Variants in EPS8 observed in about 807,000 individuals in gnomAD.
EPS8 encodes EGFR pathway substrate 8, signaling adaptor.
Under a neutral mutation model 103.8 loss-of-function variants are expected in EPS8, and 42 were observed. That is an observed-to-expected ratio of 0.40 (90% CI 0.32 to 0.52). EPS8 has a LOEUF of 0.52. Ranked by LOEUF, EPS8 falls within the 20% of genes least tolerant of loss-of-function variation. The pLI is 0.40. For synonymous variants in EPS8, 344 were observed against 344.6 expected (o/e 1.00, Z 0.02); for missense variants, 969 against 1,005.1 (o/e 0.96, Z 0.49).
In EPS8 at chr12:15,700,718, A is replaced by G. The variant is rs1428162215; in HGVS notation, c.-21-17746T>C. 6.6e-6 allele frequency among the ~76,000 whole-genome samples: 1 copy of G among 152,198 alleles called. No individual in the cohort carries two copies. The highest frequency in any genetic ancestry group is 2.4e-5 in the African/African-American group (1 of 41,446). ...ACTTTTGGTAAAAGCATGCCTATTT[A>G]TATCAAGGAGGTTCAAAACTGACTC... On this transcript the variant is annotated intron_variant, in intron 1 of 20. Coordinates refer to ENST00000281172, the MANE Select transcript of EPS8 (RefSeq NM_004447.6). This position sits in a 1 kb window ranked among gnomAD's most constrained non-coding sequence, Gnocchi z 5.1.
rs1255473913 is a variant in EPS8 at position 15,688,797 on chromosome 12, A to G, written c.-21-5825T>C. Among the ~76,000 whole-genome samples the G allele has an allele frequency of 2.6e-5, 4 of 152,232 alleles. No homozygotes were observed. The highest frequency in any genetic ancestry group is 5.9e-5 in the Non-Finnish European group (4 of 68,046). On this transcript the variant is annotated intron_variant, in intron 1 of 20. Coordinates refer to ENST00000281172, the MANE Select transcript of EPS8 (RefSeq NM_004447.6). The surrounding 1 kb of genome is among the most constrained non-coding windows in gnomAD (Gnocchi z 5.1). The stretch of plus-strand genomic sequence containing the variant: ...CGCCAAGGCAATAACCCCAGGATAC[A>G]GAAAACCCCCTGTCCTTGCAATAAG...
chr12:15,703,668 G>A (rs1340665000), intron 1 of EPS8, among the ~76,000 whole-genome samples: 2 of 151,314 alleles, frequency 1.3e-5, no homozygotes, highest in Non-Finnish European at 2.9e-5. Flanking sequence ...AGATGGTAAG[G>A]AGTAACAATC....
chr12:15,640,060 C>T (rs1945202293), intron 17 of EPS8, among the ~76,000 whole-genome samples: 1 of 152,160 alleles, frequency 6.6e-6, no homozygotes, highest in African/African-American at 2.4e-5. Context: ...AATGAGCTGA[C>T]CAGGGTCACT....
In EPS8 at chr12:15,742,691, G is replaced by A. The variant is rs941820453; in HGVS notation, c.-22+46470C>T. ...GATTATCTCAATAGATGCAGAAAAG[G>A]CCTTTGACAAAATTCAACAGCCCTT... On this transcript the variant is annotated intron_variant, in intron 1 of 20. Transcript: ENST00000281172. Among the ~76,000 whole-genome samples the A allele has an allele frequency of 2.0e-5, 3 of 152,210 alleles. No individual in the cohort carries two copies. In the East Asian group the frequency reaches 5.8e-4, roughly 29 times the overall value.
At position 15,712,920 on chromosome 12, in the gene EPS8, T is replaced by G. The variant is rs1026254269; in HGVS notation, c.-21-29948A>C. On this transcript the variant is annotated intron_variant, in intron 1 of 20. Transcript: ENST00000281172. ...AATATTGAGAGGCCATTCCACTCAG[T>G]TTACTTATGTGCCAAGTGACCTTTG... 5 of 985,224 alleles carry G rather than the reference T, an allele frequency of 5.1e-6. No homozygotes were observed. The African/African-American group carries it at 7.0e-5, about 14-fold the overall frequency. 61.0% of individuals were successfully genotyped at this position (985,224 alleles called of 1,614,324 possible).
chr12:15,720,299 T>C (rs1329578722), intron 1 of EPS8, among the ~76,000 whole-genome samples: 3 of 152,124 alleles, frequency 2.0e-5, no homozygotes, highest in Non-Finnish European at 4.4e-5. Context: ...ACACTTGGGA[T>C]CAGATGAGGT....
Position 15,728,847 on chromosome 12 carries a change from CTG to C in EPS8, c.-21-45877_-21-45876del, listed in dbSNP as rs1946682632. Among the ~76,000 whole-genome samples the C allele has an allele frequency of 6.6e-6, 1 of 152,126 alleles. No homozygotes were observed. Among genetic ancestry groups the C allele is most frequent in the Non-Finnish European group, 1.5e-5 (1 of 68,010 alleles). Reference sequence around the variant, plus strand: ...GCCAATAAAAATGGGCTAAAGGACACTGTTAAGAAAATGAAAAGACAAGCCAC... The same window carrying C: ...GCCAATAAAAATGGGCTAAAGGACACTTAAGAAAATGAAAAGACAAGCCAC... On this transcript the variant is annotated intron_variant, in intron 1 of 20. Coordinates refer to ENST00000281172, the MANE Select transcript of EPS8 (RefSeq NM_004447.6). This position sits in a 1 kb window ranked among gnomAD's most constrained non-coding sequence, Gnocchi z 4.5.
intron 1 of EPS8, among the ~76,000 whole-genome samples, chr12:15,775,907 G>A (rs1379551558): frequency 6.6e-6 from 1 of 152,080 alleles, no homozygotes; most frequent in African/African-American, 2.4e-5. Flanking sequence ...ACTAGATTGG[G>A]TTACATTAAG....
rs946819901 is a variant in EPS8, at chr12:15,781,312, G to T, written c.-22+7849C>A. On this transcript the variant is annotated intron_variant, in intron 1 of 20. Transcript: ENST00000281172. This position sits in a 1 kb window ranked among gnomAD's most constrained non-coding sequence, Gnocchi z 4.1. The stretch of plus-strand genomic sequence containing the variant: ...GTATATAGCACAGTATTAAATAAAA[G>T]AATGTAATTAAGGACACTCTGGCCA... Among the ~76,000 whole-genome samples the T allele has an allele frequency of 2.0e-5, 3 of 152,126 alleles. No individual in the cohort carries two copies. The highest frequency in any genetic ancestry group is 2.0e-4 in the Admixed American group (3 of 15,278).
chr12:15,704,924 A>C lies in EPS8; in HGVS notation c.-21-21952T>G, dbSNP rs1171953585. On this transcript the variant is annotated intron_variant, in intron 1 of 20. Coordinates refer to ENST00000281172, the MANE Select transcript of EPS8 (RefSeq NM_004447.6). The surrounding 1 kb of genome is among the most constrained non-coding windows in gnomAD (Gnocchi z 4.6). ...TGCGTGCGCATGCACACACACACAC[A>C]AAAAACTGTCCTTAAAATCCTGTGT... Among the ~76,000 whole-genome samples the C allele has an allele frequency of 2.0e-5, 3 of 152,160 alleles. No homozygotes were observed. The highest frequency in any genetic ancestry group is 2.0e-4 in the Admixed American group (3 of 15,272).
In EPS8 at chr12:15,752,328, T is replaced by C. The variant is rs1226040022; in HGVS notation, c.-22+36833A>G. Among the ~76,000 whole-genome samples, 1 of 151,868 alleles carries C rather than the reference T, an allele frequency of 6.6e-6. No individual in the cohort carries two copies. Among genetic ancestry groups the C allele is most frequent in the African/African-American group, 2.4e-5 (1 of 41,304 alleles). Reference sequence around the variant, plus strand: ...CAGGTGTGGTGGCGGGTGCCTGTAGTCCCAGCTACAAGGGAGGCTAAGGCA... The same window carrying C: ...CAGGTGTGGTGGCGGGTGCCTGTAGCCCCAGCTACAAGGGAGGCTAAGGCA... On this transcript the variant is annotated intron_variant, in intron 1 of 20. Coordinates refer to ENST00000281172, the MANE Select transcript of EPS8 (RefSeq NM_004447.6). This position sits in a 1 kb window ranked among gnomAD's most constrained non-coding sequence, Gnocchi z 4.4.
chr12:15,778,673 T>C lies in EPS8; in HGVS notation c.-22+10488A>G, dbSNP rs1281041682. 6.6e-6 allele frequency among the ~76,000 whole-genome samples: 1 copy of C among 152,204 alleles called. No homozygotes were observed. The highest frequency in any genetic ancestry group is 1.5e-5 in the Non-Finnish European group (1 of 68,040). On this transcript the variant is annotated intron_variant, in intron 1 of 20. Transcript: ENST00000281172. The surrounding 1 kb of genome is among the most constrained non-coding windows in gnomAD (Gnocchi z 4.5). ...TAAACTCCCAAACACATATAGTTTG[T>C]CATAAAACAGTTGAAGTTTTGAAAA... is the stretch of plus-strand genomic sequence containing the variant.
Position 15,736,310 on chromosome 12 carries a change from A to G in EPS8, c.-22+52851T>C, listed in dbSNP as rs1017758900. ...CCAAGGAAAATGGACTTTGGAGTAAAGGAGATCTGGATTTGAATTCCAACG... is the reference window on the plus strand; with the variant it reads ...CCAAGGAAAATGGACTTTGGAGTAAGGGAGATCTGGATTTGAATTCCAACG... On this transcript the variant is annotated intron_variant, in intron 1 of 20. Transcript: ENST00000281172. This position sits in a 1 kb window ranked among gnomAD's most constrained non-coding sequence, Gnocchi z 4.2. 4.6e-5 allele frequency among the ~76,000 whole-genome samples: 7 copies of G among 152,218 alleles called. No homozygotes were observed. The highest frequency in any genetic ancestry group is 8.8e-5 in the Non-Finnish European group (6 of 68,030).
At chr12:15,750,445 G>C (rs1449104502) in intron 1 of EPS8, among the ~76,000 whole-genome samples, 1 of 152,150 alleles carries the variant, frequency 6.6e-6, no homozygotes, top group Non-Finnish European at 1.5e-5. Flanking sequence ...TTGAGCATTT[G>C]GGTTGTACTC....
At chr12:15,744,759 T>C (rs1258355596) in intron 1 of EPS8, among the ~76,000 whole-genome samples, 1 of 152,248 alleles carries the variant, frequency 6.6e-6, no homozygotes, top group South Asian at 2.1e-4. Context: ...GTTATGGGAA[T>C]AGTACAAACA....
intron 3 of EPS8, among the ~76,000 whole-genome samples, chr12:15,672,919 G>C (rs1945841685): frequency 1.3e-5 from 2 of 152,262 alleles, no homozygotes; most frequent in South Asian, 4.1e-4. Flanking sequence ...TGATATGGCA[G>C]CTCCTGGATG....
chr12:15,675,693 C>T (rs1945892156), intron 3 of EPS8, among the ~76,000 whole-genome samples: 1 of 152,158 alleles, frequency 6.6e-6, no homozygotes, highest in Non-Finnish European at 1.5e-5. Context: ...TCAAAGTTAA[C>T]TGTAGGTGTT....
intron 1 of EPS8, among the ~76,000 whole-genome samples, chr12:15,756,321 T>C: frequency 6.6e-6 from 1 of 152,212 alleles, no homozygotes; most frequent in East Asian, 1.9e-4. Context: ...TTGTCTTCAA[T>C]TATATGTTCT....
At position 15,736,615 on chromosome 12, in the gene EPS8, A is replaced by C. The variant is rs1946769349; in HGVS notation, c.-22+52546T>G. 6.6e-6 allele frequency among the ~76,000 whole-genome samples: 1 copy of C among 152,356 alleles called. No individual in the cohort carries two copies. The highest frequency in any genetic ancestry group is 1.9e-4 in the East Asian group (1 of 5,192). Reference sequence around the variant, plus strand: ...TAGGTTCTAATGAAGTTAGTAAGCAAATCAATCCGCAGCAGGTTAGAAGCA... The same window carrying C: ...TAGGTTCTAATGAAGTTAGTAAGCACATCAATCCGCAGCAGGTTAGAAGCA... On this transcript the variant is annotated intron_variant, in intron 1 of 20. Transcript: ENST00000281172. The surrounding 1 kb of genome is among the most constrained non-coding windows in gnomAD (Gnocchi z 4.2).
Sources: gnomAD v4.1 joint callset for allele counts (sites outside exome capture counted in the v4.1 genomes callset) on GRCh38, gnomAD v4.1.1 for gene constraint, Gnocchi (gnomAD v3.1) non-coding constraint, MANE v1.5 for transcripts, NCBI Gene and HGNC (gene_info 2026-07-23, HGNC 2026-07-21) for gene names.